SPOCK3: variants seen among roughly 807,000 people sequenced by gnomAD.
SPOCK3 encodes the protein testican-3.
SPOCK3 carries 30 observed loss-of-function variants against 56.6 expected under a neutral mutation model. That is an observed-to-expected ratio of 0.53 (90% CI 0.40 to 0.72). SPOCK3 has a LOEUF of 0.72. SPOCK3 is among the 30% of genes least tolerant of loss of function. The pLI is 0.00. For missense variants in SPOCK3, 527 were observed against 530.0 expected, an observed-to-expected ratio of 0.99 and a Z score of 0.06; for synonymous variants, 196 against 183.3, an observed-to-expected ratio of 1.07 and a Z score of -0.56.
At chr4:167,144,745 A>G (rs1420436823) in intron 2 of SPOCK3, among the ~76,000 whole-genome samples, 1 of 143,544 alleles carries the variant, frequency 7.0e-6, no homozygotes, top group African/African-American at 2.5e-5. Flanking sequence ...AACCTTAGGG[A>G]AAAGGAAACA....
At chr4:167,142,316 T>C (rs1292499878) in intron 2 of SPOCK3, among the ~76,000 whole-genome samples, 1 of 151,822 alleles carries the variant, frequency 6.6e-6, no homozygotes, top group Non-Finnish European at 1.5e-5. Context: ...GCAACCACAC[T>C]AAGGCATAAT....
intron 4 of SPOCK3, among the ~76,000 whole-genome samples, chr4:166,964,633 T>C (rs1158057140): frequency 6.6e-6 from 1 of 151,546 alleles, no homozygotes; most frequent in African/African-American, 2.4e-5. Flanking sequence ...GTTGATATTA[T>C]ATATAATAAT....
chr4:167,119,589 G>A (rs1472392159), intron 2 of SPOCK3, among the ~76,000 whole-genome samples: 1 of 152,082 alleles, frequency 6.6e-6, no homozygotes, highest in Non-Finnish European at 1.5e-5. Flanking sequence ...AAACCATCAT[G>A]AGAAATACTT....
At chr4:166,844,212 T>C (rs1485702312) in intron 6 of SPOCK3, among the ~76,000 whole-genome samples, 1 of 152,214 alleles carries the variant, frequency 6.6e-6, no homozygotes, top group Non-Finnish European at 1.5e-5. Flanking sequence ...TGAGTTCAAA[T>C]TCTACCACTG....
At chr4:167,204,046 C>G (rs1352167002) in intron 2 of SPOCK3, among the ~76,000 whole-genome samples, 1 of 152,016 alleles carries the variant, frequency 6.6e-6, no homozygotes, top group African/African-American at 2.4e-5. Flanking sequence ...ATTTGGCTTC[C>G]TGATCCCTTT....
rs1431868824 is a variant in SPOCK3, at chr4:167,109,019, TAA to T, written c.190-46484_190-46483del. On this transcript the variant is annotated intron_variant, in intron 2 of 10. Transcript: ENST00000357545. ...ATATATATATAAATATATACTTATA[TAA>T]AAATATATATAAATATATACTTATA... Among the ~76,000 whole-genome samples the T allele has an allele frequency of 7.7e-5, 7 of 90,536 alleles. 1 individual carries two copies. Among genetic ancestry groups the T allele is most frequent in the African/African-American group, 4.7e-4 (7 of 14,964 alleles). The allele number at this position is 90,536 out of a possible 152,430, so 59.4% of individuals were successfully genotyped here.
chr4:166,762,609 G>T (rs1427610762), intron 7 of SPOCK3, among the ~76,000 whole-genome samples: 1 of 152,084 alleles, frequency 6.6e-6, no homozygotes, highest in African/African-American at 2.4e-5. Flanking sequence ...GTACTACAGG[G>T]TTCTGTAAGT....
At chr4:166,834,732 A>G (rs1036684034) in intron 6 of SPOCK3, among the ~76,000 whole-genome samples, 3 of 152,220 alleles carry the variant, frequency 2.0e-5, no homozygotes, top group Non-Finnish European at 2.9e-5. Context: ...CAAAATATAT[A>G]TGACCACAGA....
At chr4:166,824,845 T>A (rs1327478372) in intron 6 of SPOCK3, among the ~76,000 whole-genome samples, 1 of 152,080 alleles carries the variant, frequency 6.6e-6, no homozygotes, top group Non-Finnish European at 1.5e-5. Context: ...ACTGGAGTTC[T>A]CATATCCTTG....
chr4:166,950,875 C>A (rs1050311658), intron 4 of SPOCK3, among the ~76,000 whole-genome samples: 1 of 147,000 alleles, frequency 6.8e-6, no homozygotes. Flanking sequence ...TAAAGATGTT[C>A]TTTGAAACCA....
intron 6 of SPOCK3, among the ~76,000 whole-genome samples, chr4:166,807,721 T>TC (rs1743329969): frequency 6.6e-6 from 1 of 152,154 alleles, no homozygotes; most frequent in Non-Finnish European, 1.5e-5. Context: ...AACGATCATC[T>TC]GTTTCAACTC....
chr4:166,816,827 T>C (rs560559514), intron 6 of SPOCK3, among the ~76,000 whole-genome samples: 1 of 152,154 alleles, frequency 6.6e-6, no homozygotes, highest in South Asian at 2.1e-4. Context: ...AGAAGGCCTC[T>C]GTGGTATGGT....
intron 2 of SPOCK3, among the ~76,000 whole-genome samples, chr4:167,147,243 T>C (rs1044927993): frequency 6.6e-6 from 1 of 152,102 alleles, no homozygotes; most frequent in East Asian, 1.9e-4. Flanking sequence ...ACATACACCC[T>C]CCCAAGACTA....
intron 6 of SPOCK3, among the ~76,000 whole-genome samples, chr4:166,828,807 A>C (rs1745736560): frequency 6.6e-6 from 1 of 152,132 alleles, no homozygotes. Context: ...TCAATGAAGT[A>C]AGTATTTCTT....
At chr4:167,222,901 A>G (rs554589472) in intron 2 of SPOCK3, among the ~76,000 whole-genome samples, 4 of 128,392 alleles carry the variant, frequency 3.1e-5, no homozygotes, top group African/African-American at 6.1e-5. Flanking sequence ...ATATAAATAT[A>G]TAAACATAGA....
At chr4:166,803,041 A>G (rs1467701396) in intron 6 of SPOCK3, among the ~76,000 whole-genome samples, 2 of 152,146 alleles carry the variant, frequency 1.3e-5, no homozygotes, top group Admixed American at 6.5e-5. Context: ...TTGCTCTCTG[A>G]CAAATAAAGC....
At chr4:166,878,235 C>T (rs1030086409) in intron 6 of SPOCK3, among the ~76,000 whole-genome samples, 5 of 152,088 alleles carry the variant, frequency 3.3e-5, no homozygotes, top group Admixed American at 6.6e-5. Flanking sequence ...GCCGAGATCA[C>T]GCCACTGCAA....
At chr4:166,876,888 T>C (rs1224764643) in intron 6 of SPOCK3, among the ~76,000 whole-genome samples, 1 of 152,136 alleles carries the variant, frequency 6.6e-6, no homozygotes, top group Non-Finnish European at 1.5e-5. Context: ...TTTACATTTA[T>C]TGAAAGGTTA....
At chr4:166,932,709 T>G (rs1206327725) in intron 4 of SPOCK3, among the ~76,000 whole-genome samples, 2 of 152,134 alleles carry the variant, frequency 1.3e-5, no homozygotes, top group East Asian at 3.9e-4. Flanking sequence ...CATGAGAATG[T>G]AGTCTCTTTG....
Sources: allele counts gnomAD v4.1 joint callset (sites outside exome capture counted in the v4.1 genomes callset), GRCh38; gene constraint gnomAD v4.1.1; transcripts MANE v1.5; gene names NCBI Gene and HGNC (gene_info 2026-07-23, HGNC 2026-07-21).